The following TFEC variants were observed in gnomAD, a reference collection of about 807,000 sequenced individuals.
TFEC encodes the protein transcription factor EC, also known as class E basic helix-loop-helix protein 34.
Under a neutral mutation model 41.6 loss-of-function variants are expected in TFEC, and 31 were observed. The ratio of observed to expected loss-of-function variants is 0.74; its 90% CI spans 0.56 to 1.01. TFEC has a LOEUF of 1.01. Ranked by LOEUF, TFEC falls within the 50% of genes least tolerant of loss-of-function variation. The probability of loss-of-function intolerance (pLI) is 0.00; values close to 1 mark genes in which losing one functional copy is unlikely to be tolerated. For missense variants in TFEC, 402 were observed against 404.1 expected, an observed-to-expected ratio of 0.99 and a Z score of 0.04; for synonymous variants, 143 against 140.6, an observed-to-expected ratio of 1.02 and a Z score of -0.12.
At chr7:116,136,768 T>G (rs1584559809) in intron 1 of TFEC, among the ~76,000 whole-genome samples, 1 of 151,904 alleles carries the variant, frequency 6.6e-6, no homozygotes, top group Admixed American at 6.6e-5. Flanking sequence ...AGAAAAGAAA[T>G]GAAATAAGAG....
At chr7:116,136,456 C>T (rs1012924958) in intron 1 of TFEC, among the ~76,000 whole-genome samples, 8 of 151,852 alleles carry the variant, frequency 5.3e-5, no homozygotes, top group African/African-American at 1.9e-4. Flanking sequence ...TGTACCATTA[C>T]ATACTAATAA....
intron 1 of TFEC, among the ~76,000 whole-genome samples, chr7:116,002,763 T>C (rs1584676922): frequency 6.6e-6 from 1 of 152,262 alleles, no homozygotes; most frequent in East Asian, 1.9e-4. Context: ...TATGCTTGTA[T>C]CAAAATATTT....
intron 3 of TFEC, among the ~76,000 whole-genome samples, chr7:115,966,710 T>C (rs1336765864): frequency 6.6e-6 from 1 of 151,776 alleles, no homozygotes; most frequent in African/African-American, 2.4e-5. Context: ...CTTTTAGTCT[T>C]AAGTGTTTTG....
intron 3 of TFEC, among the ~76,000 whole-genome samples, chr7:116,095,067 G>A (rs551062187): frequency 7.9e-5 from 12 of 152,184 alleles, no homozygotes; most frequent in Non-Finnish European, 1.0e-4. Flanking sequence ...ATTAACAAGC[G>A]TAATACCCAC....
intron 1 of TFEC, among the ~76,000 whole-genome samples, chr7:116,143,467 C>T (rs768699182): frequency 1.5e-4 from 23 of 152,024 alleles, no homozygotes; most frequent in Admixed American, 2.6e-4. Flanking sequence ...CATTCCAGGA[C>T]GAAAAGCTGA....
At chr7:115,951,290 T>A (rs187633925) in intron 5 of TFEC, among the ~76,000 whole-genome samples, 37 of 152,174 alleles carry the variant, frequency 2.4e-4, no homozygotes, top group Non-Finnish European at 4.7e-4. Flanking sequence ...AATTTGTCAG[T>A]CCATCAGGAT....
intron 3 of TFEC, among the ~76,000 whole-genome samples, chr7:116,095,216 AC>A (rs1196533879): frequency 1.3e-5 from 2 of 152,146 alleles, no homozygotes; most frequent in Admixed American, 1.3e-4. Flanking sequence ...AATTTTCAAA[AC>A]TTTTTTGCCT....
intron 3 of TFEC, among the ~76,000 whole-genome samples, chr7:116,047,307 C>G (rs1215904607): frequency 6.6e-6 from 1 of 152,152 alleles, no homozygotes; most frequent in Non-Finnish European, 1.5e-5. Flanking sequence ...CAACCTAATA[C>G]TGCGCTTTTC....
At chr7:115,979,432 A>C (rs946079133) in intron 2 of TFEC, among the ~76,000 whole-genome samples, 2 of 151,988 alleles carry the variant, frequency 1.3e-5, no homozygotes, top group African/African-American at 4.8e-5. Context: ...TTTATATAAT[A>C]TTATAATTAT....
chr7:116,020,115 G>A (rs896879751), intron 1 of TFEC, among the ~76,000 whole-genome samples: 1 of 152,172 alleles, frequency 6.6e-6, no homozygotes, highest in Non-Finnish European at 1.5e-5. Context: ...CATAATGCCT[G>A]AGAAAGTGGG....
chr7:115,969,590 G>C (rs1156484410), intron 3 of TFEC, among the ~76,000 whole-genome samples: 1 of 151,982 alleles, frequency 6.6e-6, no homozygotes, highest in Non-Finnish European at 1.5e-5. Flanking sequence ...TGAAGTCAAA[G>C]GGAAGTGCTG....
intron 1 of TFEC, among the ~76,000 whole-genome samples, chr7:116,023,832 C>T (rs538262157): frequency 6.6e-6 from 1 of 152,110 alleles, no homozygotes; most frequent in Non-Finnish European, 1.5e-5. Flanking sequence ...TCCTCAGATT[C>T]CCTTTTTATG....
intron 3 of TFEC, among the ~76,000 whole-genome samples, chr7:116,094,418 C>T (rs946340210): frequency 2.6e-4 from 40 of 151,544 alleles, no homozygotes; most frequent in South Asian, 2.1e-4. Flanking sequence ...TGGTGGCTCA[C>T]GCCTGTAATC....
Position 116,141,802 on chromosome 7 carries a change from T to C in TFEC, c.-69+17988A>G, listed in dbSNP as rs542142146. On this transcript the variant is annotated intron_variant, in intron 1 of 8. Coordinates refer to the TFEC transcript ENST00000484212. ...AAGGACTTAGCTATAGACTGAATGT[T>C]ATCAAAAAGTAGGGCTAATTCAACA... 9.8e-5 allele frequency among the ~76,000 whole-genome samples: 15 copies of C among 152,334 alleles called. No homozygotes were observed. In the East Asian group the frequency reaches 2.9e-3, roughly 29 times the overall value.
At chr7:116,106,690 TCAGA>T (rs1413118452) in intron 3 of TFEC, among the ~76,000 whole-genome samples, 1 of 152,086 alleles carries the variant, frequency 6.6e-6, no homozygotes, top group African/African-American at 2.4e-5. Context: ...CTGGCTGACT[TCAGA>T]CAGTTTCAAA....
intron 3 of TFEC, among the ~76,000 whole-genome samples, chr7:116,091,704 C>G (rs1195179711): frequency 6.6e-6 from 1 of 151,922 alleles, no homozygotes; most frequent in Non-Finnish European, 1.5e-5. Flanking sequence ...ATAAAAATAA[C>G]AAGAACTCAA....
intron 1 of TFEC, among the ~76,000 whole-genome samples, chr7:116,113,599 G>T (rs1340572542): frequency 1.3e-5 from 2 of 151,984 alleles, no homozygotes; most frequent in African/African-American, 4.8e-5. Flanking sequence ...ATATATCTTT[G>T]CCAGGTGATT....
At chr7:116,154,213 G>C (rs1486417934) in intron 1 of TFEC, among the ~76,000 whole-genome samples, 4 of 152,194 alleles carry the variant, frequency 2.6e-5, no homozygotes, top group African/African-American at 7.2e-5. Flanking sequence ...GGTGACCTAT[G>C]AAATGAGAGG....
Position 116,053,183 on chromosome 7 carries a change from G to A in TFEC, c.198+57525C>T, listed in dbSNP as rs571071848. On this transcript the variant is annotated intron_variant, in intron 3 of 8. Transcript: ENST00000484212. ...TAAGTATGGAGAGAAAAGCAAAGTT[G>A]TTGAGAAAAGAGAAACTGTGAAGGG... Among the ~76,000 whole-genome samples, 7 of 152,308 alleles carry A rather than the reference G, an allele frequency of 4.6e-5. No individual in the cohort carries two copies. In the South Asian group the frequency reaches 1.5e-3, roughly 32 times the overall value.
Sources: allele counts gnomAD v4.1 joint callset (sites outside exome capture counted in the v4.1 genomes callset), GRCh38; gene constraint gnomAD v4.1.1; transcripts MANE v1.5; gene names NCBI Gene and HGNC (gene_info 2026-07-23, HGNC 2026-07-21).